Variants in SH3GL2 observed in about 807,000 individuals in gnomAD.
SH3GL2 encodes the protein endophilin-A1.
A neutral mutation model predicts 46.0 loss-of-function variants in SH3GL2; 24 were observed. The observed-to-expected ratio is 0.52, with a 90% CI of 0.38 to 0.73. SH3GL2 has a LOEUF of 0.73. SH3GL2 is among the 30% of genes least tolerant of loss of function. The pLI is 0.00. For missense variants in SH3GL2, 413 were observed against 424.2 expected, an observed-to-expected ratio of 0.97 and a Z score of 0.23; for synonymous variants, 196 against 147.1, an observed-to-expected ratio of 1.33 and a Z score of -2.40.
At chr9:17,756,852 G>T (rs1481754808) in intron 2 of SH3GL2, among the ~76,000 whole-genome samples, 3 of 152,038 alleles carry the variant, frequency 2.0e-5, no homozygotes, top group Non-Finnish European at 4.4e-5. Context: ...GTAATGGGAT[G>T]GCTGGGTCAA....
chr9:17,710,443 C>G (rs956695683), intron 1 of SH3GL2, among the ~76,000 whole-genome samples: 1 of 151,900 alleles, frequency 6.6e-6, no homozygotes, highest in African/African-American at 2.4e-5. Context: ...GGTATTCCTT[C>G]TAGAAAGTTG....
intron 1 of SH3GL2, among the ~76,000 whole-genome samples, chr9:17,610,844 T>C (rs1818849174): frequency 6.6e-6 from 1 of 152,128 alleles, no homozygotes; most frequent in East Asian, 1.9e-4. Flanking sequence ...TTGTCTTATG[T>C]TATGGGACGC....
intron 1 of SH3GL2, among the ~76,000 whole-genome samples, chr9:17,671,157 T>G: frequency 6.6e-6 from 1 of 152,356 alleles, no homozygotes; most frequent in South Asian, 2.1e-4. Flanking sequence ...TCTAACAGAC[T>G]TTTAAATCTT....
At chr9:17,777,108 A>C (rs1431536976) in intron 3 of SH3GL2, among the ~76,000 whole-genome samples, 1 of 152,156 alleles carries the variant, frequency 6.6e-6, no homozygotes, top group Non-Finnish European at 1.5e-5. Flanking sequence ...TAGATTACAT[A>C]TTCGTTGGTT....
At chr9:17,730,474 G>T (rs1164114729) in intron 1 of SH3GL2, among the ~76,000 whole-genome samples, 1 of 151,996 alleles carries the variant, frequency 6.6e-6, no homozygotes, top group Non-Finnish European at 1.5e-5. Flanking sequence ...TGATTGTCTT[G>T]GCCAGCACTT....
At chr9:17,775,586 C>A (rs1293793004) in intron 3 of SH3GL2, among the ~76,000 whole-genome samples, 1 of 152,176 alleles carries the variant, frequency 6.6e-6, no homozygotes, top group Non-Finnish European at 1.5e-5. Flanking sequence ...CAGATAGTAG[C>A]AATTAATGAA....
At chr9:17,613,168 A>G (rs752133707) in intron 1 of SH3GL2, among the ~76,000 whole-genome samples, 1 of 152,204 alleles carries the variant, frequency 6.6e-6, no homozygotes, top group Non-Finnish European at 1.5e-5. Flanking sequence ...TAGTGTGACC[A>G]TTGCTTTTCT....
intron 1 of SH3GL2, among the ~76,000 whole-genome samples, chr9:17,734,466 G>A (rs1822269211): frequency 6.6e-6 from 1 of 152,056 alleles, no homozygotes; most frequent in African/African-American, 2.4e-5. Flanking sequence ...ACTGTCCTGT[G>A]AGGTAGCTTT....
intron 1 of SH3GL2, among the ~76,000 whole-genome samples, chr9:17,694,414 T>A (rs543592957): frequency 1.3e-5 from 2 of 152,264 alleles, no homozygotes; most frequent in South Asian, 4.1e-4. Context: ...TCTGGGGGAT[T>A]TCTTAACTGT....
intron 1 of SH3GL2, among the ~76,000 whole-genome samples, chr9:17,603,907 C>T (rs1818714969): frequency 6.6e-6 from 1 of 152,064 alleles, no homozygotes; most frequent in Admixed American, 6.5e-5. Context: ...AAACTTATGC[C>T]ACTGAATTAT....
At chr9:17,619,962 C>G (rs1179816466) in intron 1 of SH3GL2, among the ~76,000 whole-genome samples, 2 of 152,010 alleles carry the variant, frequency 1.3e-5, no homozygotes, top group Non-Finnish European at 2.9e-5. Flanking sequence ...ATTTCTGATT[C>G]TGTGATGTAG....
intron 1 of SH3GL2, among the ~76,000 whole-genome samples, chr9:17,736,409 T>C (rs1239460267): frequency 6.6e-6 from 1 of 152,142 alleles, no homozygotes; most frequent in East Asian, 1.9e-4. Flanking sequence ...GTGATTTTTC[T>C]GTCTGGGGTG....
chr9:17,684,589 TG>T (rs1295986058), intron 1 of SH3GL2, among the ~76,000 whole-genome samples: 1 of 152,104 alleles, frequency 6.6e-6, no homozygotes, highest in Non-Finnish European at 1.5e-5. Flanking sequence ...CCCAAACTAA[TG>T]ACACATACCA....
intron 1 of SH3GL2, among the ~76,000 whole-genome samples, chr9:17,681,636 G>A (rs1003071998): frequency 6.6e-6 from 1 of 152,120 alleles, no homozygotes; most frequent in African/African-American, 2.4e-5. Context: ...TCAAGACATA[G>A]GCATGGGAAA....
rs567492362 is a variant in SH3GL2 at position 17,784,126 on chromosome 9, T to G, written c.188-2255T>G. Among the ~76,000 whole-genome samples the G allele has an allele frequency of 4.0e-5, 6 of 151,332 alleles. No individual in the cohort carries two copies. The South Asian group carries it at 1.2e-3, about 31-fold the overall frequency. On this transcript the variant is annotated intron_variant, in intron 3 of 8. Transcript: ENST00000380607. Reference sequence around the variant, plus strand: ...TCTTCAGATATGTGAATTAGTAGGCTTTTTTTAATCATTTGAAGTAGATAA... The same window carrying G: ...TCTTCAGATATGTGAATTAGTAGGCGTTTTTTAATCATTTGAAGTAGATAA...
chr9:17,615,473 A>G (rs902328642), intron 1 of SH3GL2, among the ~76,000 whole-genome samples: 1 of 151,816 alleles, frequency 6.6e-6, no homozygotes, highest in Admixed American at 6.6e-5. Context: ...TGGCTAACAC[A>G]GTGAAACCCC....
intron 1 of SH3GL2, among the ~76,000 whole-genome samples, chr9:17,632,870 G>A (rs183415272): frequency 3.7e-4 from 57 of 152,292 alleles, no homozygotes; most frequent in Non-Finnish European, 6.0e-4. Context: ...AATTGGTCCA[G>A]CTTTGTTGTA....
intron 1 of SH3GL2, among the ~76,000 whole-genome samples, chr9:17,580,892 G>A (rs756821411): frequency 6.6e-6 from 1 of 152,168 alleles, no homozygotes; most frequent in Non-Finnish European, 1.5e-5. Flanking sequence ...GCAAAGCTTA[G>A]TGCCCTCAAA....
At position 17,789,781 on chromosome 9, in the gene SH3GL2, A is replaced by G. The variant is rs564208683; in HGVS notation, c.624+231A>G. 489 of 983,306 alleles carry G rather than the reference A, an allele frequency of 5.0e-4. 1 individual carries two copies. The highest frequency in any genetic ancestry group is 5.7e-4 in the Non-Finnish European group (476 of 828,008). 60.9% of individuals were successfully genotyped at this position (983,306 alleles called of 1,614,324 possible). A position where few individuals can be genotyped will look rare whatever the true frequency, so the allele number is the denominator to read the frequency against. On this transcript the variant is annotated intron_variant, in intron 6 of 8. Transcript: ENST00000380607. The stretch of plus-strand genomic sequence containing the variant: ...AGATTCTCGACTGCTAATGAATCTT[A>G]AAGTACAGATGCTCCTTAACTTATG...
Sources: gnomAD v4.1 joint callset for allele counts (sites outside exome capture counted in the v4.1 genomes callset) on GRCh38, gnomAD v4.1.1 for gene constraint, MANE v1.5 for transcripts, NCBI Gene and HGNC (gene_info 2026-07-23, HGNC 2026-07-21) for gene names.